The following SAMD3 variants were observed in gnomAD, a reference collection of about 807,000 sequenced individuals.
SAMD3 encodes the protein sterile alpha motif domain-containing protein 3.
SAMD3 carries 63 observed loss-of-function variants against 58.5 expected under a neutral mutation model. The observed-to-expected ratio is 1.08, with a 90% CI of 0.88 to 1.33. The LOEUF (loss-of-function observed/expected upper bound fraction) is 1.33. Among genes scored for constraint, SAMD3 ranks in the 40% most tolerant of loss-of-function variants. The pLI is 0.00. For missense variants in SAMD3, 604 were observed against 608.4 expected (o/e 0.99, Z 0.08); for synonymous variants, 220 against 210.3 (o/e 1.05, Z -0.40).
intron 2 of SAMD3, among the ~76,000 whole-genome samples, chr6:130,304,531 C>G (rs1775851641): frequency 1.3e-5 from 2 of 152,138 alleles, no homozygotes; most frequent in Admixed American, 1.3e-4. Context: ...AACACATTCT[C>G]TATGTCTATG....
At chr6:130,216,296 T>G in intron 2 of SAMD3, among the ~76,000 whole-genome samples, 1 of 152,172 alleles carries the variant, frequency 6.6e-6, no homozygotes, top group East Asian at 1.9e-4. Context: ...TTTTAACCTT[T>G]TATCTTTACT....
At chr6:130,215,557 G>A (rs550006993) in intron 2 of SAMD3, 1 of 1,324,086 alleles carries the variant, frequency 7.6e-7, no homozygotes, top group East Asian at 2.8e-5. Context: ...TTTTCCACAG[G>A]CATCTCTAAG....
At chr6:130,271,146 C>G (rs1484927488) in intron 2 of SAMD3, among the ~76,000 whole-genome samples, 1 of 152,018 alleles carries the variant, frequency 6.6e-6, no homozygotes, top group East Asian at 1.9e-4. Context: ...ACTACAGGAG[C>G]ACCACACCAT....
At chr6:130,282,402 T>C (rs1775012378) in intron 2 of SAMD3, among the ~76,000 whole-genome samples, 1 of 152,194 alleles carries the variant, frequency 6.6e-6, no homozygotes, top group Non-Finnish European at 1.5e-5. Context: ...TAGTTGATCA[T>C]ACAAGGAAGA....
intron 5 of SAMD3, among the ~76,000 whole-genome samples, chr6:130,188,794 A>G (rs1196042687): frequency 6.6e-6 from 1 of 151,876 alleles, no homozygotes; most frequent in Non-Finnish European, 1.5e-5. Context: ...ACACTGTTTC[A>G]TTTTCCTGCT....
rs372132641 is a variant in SAMD3, at chr6:130,261,378, G to T, written c.-187-38565C>A. ...GAATTGCTTGACAGGACCGGTCTTG[G>T]GAACTTGCCTACTCCATTTGAGTGG... On this transcript the variant is annotated intron_variant, in intron 2 of 13. Coordinates refer to the SAMD3 transcript ENST00000368134. Among the ~76,000 whole-genome samples the T allele has an allele frequency of 2.6e-5, 4 of 151,924 alleles. 1 individual carries two copies.
At chr6:130,320,095 G>T (rs1776535704) in intron 1 of SAMD3, among the ~76,000 whole-genome samples, 1 of 151,912 alleles carries the variant, frequency 6.6e-6, no homozygotes, top group African/African-American at 2.4e-5. Flanking sequence ...AAAGAAGGCA[G>T]TAAAAGGAAA....
chr6:130,260,764 C>T (rs1774096418), intron 2 of SAMD3, among the ~76,000 whole-genome samples: 1 of 152,192 alleles, frequency 6.6e-6, no homozygotes. Context: ...TAGGCATTTG[C>T]CCAGTGAGAC....
chr6:130,218,350 C>A (rs766843059), intron 1 of SAMD3, among the ~76,000 whole-genome samples: 2 of 152,296 alleles, frequency 1.3e-5, no homozygotes, highest in Non-Finnish European at 1.5e-5. Context: ...TCTCTCAGTG[C>A]GCAGGCTGTC....
At chr6:130,339,255 G>A (rs761998117) in intron 1 of SAMD3, among the ~76,000 whole-genome samples, 2 of 152,052 alleles carry the variant, frequency 1.3e-5, no homozygotes, top group Non-Finnish European at 2.9e-5. Context: ...TACTGTGTTA[G>A]CCAGGATGGT....
intron 8 of SAMD3, among the ~76,000 whole-genome samples, chr6:130,171,657 T>C (rs1416601942): frequency 1.3e-5 from 2 of 152,216 alleles, no homozygotes; most frequent in Admixed American, 6.5e-5. Context: ...ATACGTGCTG[T>C]GTGGCACTGA....
At chr6:130,334,826 T>G (rs570905412) in intron 1 of SAMD3, among the ~76,000 whole-genome samples, 25 of 152,310 alleles carry the variant, frequency 1.6e-4, no homozygotes, top group Middle Eastern at 3.4e-3. Context: ...CTTTTTATGC[T>G]GCACCATCCG....
At chr6:130,320,282 CA>C (rs1375831001) in intron 1 of SAMD3, among the ~76,000 whole-genome samples, 1 of 151,902 alleles carries the variant, frequency 6.6e-6, no homozygotes, top group Non-Finnish European at 1.5e-5. Context: ...AAATGAATAG[CA>C]AGTAGGTAGA....
At chr6:130,364,340 C>T (rs1230206655) in intron 1 of SAMD3, among the ~76,000 whole-genome samples, 2 of 152,032 alleles carry the variant, frequency 1.3e-5, no homozygotes, top group African/African-American at 2.4e-5. Context: ...CCATTTTAAA[C>T]GTTTTACCAT....
intron 8 of SAMD3, among the ~76,000 whole-genome samples, chr6:130,174,865 G>A (rs1335888698): frequency 6.6e-6 from 1 of 152,134 alleles, no homozygotes; most frequent in Non-Finnish European, 1.5e-5. Context: ...ACTTTCACCC[G>A]AGTTTTGCAT....
chr6:130,258,291 T>C (rs945607264), intron 2 of SAMD3, among the ~76,000 whole-genome samples: 1 of 152,170 alleles, frequency 6.6e-6, no homozygotes, highest in Non-Finnish European at 1.5e-5. Flanking sequence ...AGTTGGTTTC[T>C]TGTAGAGAGC....
intron 2 of SAMD3, among the ~76,000 whole-genome samples, chr6:130,244,654 C>T (rs1031273374): frequency 6.6e-6 from 1 of 151,776 alleles, no homozygotes; most frequent in East Asian, 1.9e-4. Context: ...GCATGAGAAT[C>T]GCCTGAACCC....
chr6:130,167,470 G>A (rs955769081), intron 8 of SAMD3, among the ~76,000 whole-genome samples: 1 of 152,108 alleles, frequency 6.6e-6, no homozygotes, highest in Non-Finnish European at 1.5e-5. Flanking sequence ...AAATACTACT[G>A]TATAAAGTAC....
intron 8 of SAMD3, among the ~76,000 whole-genome samples, chr6:130,172,299 G>A (rs1297859259): frequency 2.0e-5 from 3 of 151,362 alleles, no homozygotes; most frequent in Non-Finnish European, 3.0e-5. Context: ...AGTTTATCGC[G>A]GCATTGGTCT....
Sources: gnomAD v4.1 joint callset for allele counts (sites outside exome capture counted in the v4.1 genomes callset) on GRCh38, gnomAD v4.1.1 for gene constraint, MANE v1.5 for transcripts, NCBI Gene and HGNC (gene_info 2026-07-23, HGNC 2026-07-21) for gene names.